LDLRAD4: variants seen among roughly 807,000 people sequenced by gnomAD.
LDLRAD4 encodes the protein low-density lipoprotein receptor class A domain-containing protein 4.
LDLRAD4 carries 5 observed loss-of-function variants against 17.0 expected under a neutral mutation model. That is an observed-to-expected ratio of 0.29 (90% confidence interval 0.15 to 0.62). The LOEUF (loss-of-function observed/expected upper bound fraction) is 0.62. LDLRAD4 is among the 20% of genes least tolerant of loss of function. LDLRAD4 has a pLI of 0.84. For synonymous variants in LDLRAD4, 168 were observed against 171.8 expected (o/e 0.98, Z 0.17); for missense variants, 340 against 424.7 (o/e 0.80, Z 1.75).
intron 1 of LDLRAD4, among the ~76,000 whole-genome samples, chr18:13,280,578 G>A (rs982839276): frequency 1.3e-5 from 2 of 152,182 alleles, no homozygotes; most frequent in African/African-American, 2.4e-5. Context: ...AGCGTGTGGG[G>A]GAGTGCTGCT....
At chr18:13,326,058 C>T (rs1049245441) in intron 1 of LDLRAD4, among the ~76,000 whole-genome samples, 2 of 152,108 alleles carry the variant, frequency 1.3e-5, no homozygotes, top group Admixed American at 6.5e-5. Flanking sequence ...TGAGCCACCA[C>T]GCCCGGCTGG....
chr18:13,479,666 A>G (rs1280648700), intron 3 of LDLRAD4, among the ~76,000 whole-genome samples: 1 of 152,170 alleles, frequency 6.6e-6, no homozygotes, highest in East Asian at 1.9e-4. Flanking sequence ...AGACTAGAGG[A>G]AAATATTTAC....
At chr18:13,562,510 T>C (rs1052941473) in intron 3 of LDLRAD4, among the ~76,000 whole-genome samples, 2 of 152,264 alleles carry the variant, frequency 1.3e-5, no homozygotes, top group Non-Finnish European at 2.9e-5. Context: ...ATTTGATACA[T>C]GTATATACAT....
chr18:13,613,669 G>A (rs755690169), intron 3 of LDLRAD4: 5 of 152,228 alleles, frequency 3.3e-5, no homozygotes, highest in African/African-American at 7.2e-5. Context: ...GTGGATGAAG[G>A]CTTGGGCTTT....
intron 1 of LDLRAD4, among the ~76,000 whole-genome samples, chr18:13,288,592 G>A (rs564076556): frequency 8.5e-4 from 129 of 152,132 alleles, no homozygotes; most frequent in African/African-American, 2.8e-3. Context: ...CACTCTGCAA[G>A]GTGAGTCATG....
chr18:13,396,721 G>A (rs113426023), intron 2 of LDLRAD4, among the ~76,000 whole-genome samples: 4,967 of 152,210 alleles, frequency 0.033, 275 homozygotes, highest in African/African-American at 0.11. Context: ...GGGCTCAAGC[G>A]ATCCTCCTGC....
intron 3 of LDLRAD4, among the ~76,000 whole-genome samples, chr18:13,574,915 G>T (rs555701097): frequency 6.6e-6 from 1 of 152,174 alleles, no homozygotes; most frequent in Admixed American, 6.5e-5. Flanking sequence ...GCCCCCATAC[G>T]TCTCCTCCTT....
At chr18:13,225,538 C>G (rs1009746306) in intron 1 of LDLRAD4, among the ~76,000 whole-genome samples, 3 of 152,230 alleles carry the variant, frequency 2.0e-5, no homozygotes, top group Non-Finnish European at 4.4e-5. Context: ...GGGCCCTGTC[C>G]ACTCTGTCAA....
chr18:13,236,284 G>A (rs1462486290), intron 1 of LDLRAD4: 3 of 142,922 alleles, frequency 2.1e-5, no homozygotes, highest in Non-Finnish European at 4.6e-5. Context: ...CCATCATTTT[G>A]CTTTGATCTA....
intron 3 of LDLRAD4, chr18:13,611,829 TAGGACC>T (rs1478933093): frequency 1.0e-6 from 1 of 985,334 alleles, no homozygotes; most frequent in Non-Finnish European, 1.2e-6. Context: ...CTGCTGCGGT[TAGGACC>T]TCACGCCTTG....
Position 13,300,113 on chromosome 18 carries a change from A to G in LDLRAD4, c.-383+21925A>G, listed in dbSNP as rs761108649. 1.3e-5 allele frequency among the ~76,000 whole-genome samples: 2 copies of G among 152,030 alleles called. No individual in the cohort carries two copies. The highest frequency in any genetic ancestry group is 6.5e-5 in the Admixed American group (1 of 15,278). On this transcript the variant is annotated intron_variant, in intron 1 of 5. Transcript: ENST00000359446. The surrounding 1 kb of genome is among the most constrained non-coding windows in gnomAD (Gnocchi z 4.2). ...CCCATGTGGCTCTGCCCCATGCTTC[A>G]CACATCTTGGTTCCTGCAAATTCCA...
At chr18:13,415,142 G>C (rs1257365064) in intron 2 of LDLRAD4, among the ~76,000 whole-genome samples, 2 of 152,222 alleles carry the variant, frequency 1.3e-5, no homozygotes, top group Non-Finnish European at 2.9e-5. Context: ...GGGGGCATCT[G>C]TTGCCTGGAG....
At chr18:13,554,009 C>A (rs914285262) in intron 3 of LDLRAD4, among the ~76,000 whole-genome samples, 4 of 152,150 alleles carry the variant, frequency 2.6e-5, no homozygotes, top group Admixed American at 1.3e-4. Context: ...TGTTTTATTT[C>A]TTCTAATTAT....
chr18:13,272,660 A>T (rs8093127), intron 1 of LDLRAD4, among the ~76,000 whole-genome samples: 68,728 of 152,146 alleles, frequency 0.45, 17,875 homozygotes, highest in Non-Finnish European at 0.58. Flanking sequence ...GTTAGGACAC[A>T]GGCGGTCATG....
intron 3 of LDLRAD4, among the ~76,000 whole-genome samples, chr18:13,601,619 A>C (rs182451509): frequency 9.6e-4 from 142 of 147,708 alleles, no homozygotes; most frequent in Non-Finnish European, 1.8e-3. Context: ...GCGCCACGGC[A>C]CTCCAGCCTG....
At chr18:13,532,172 G>A (rs184686549) in intron 3 of LDLRAD4, among the ~76,000 whole-genome samples, 701 of 152,288 alleles carry the variant, frequency 4.6e-3, no homozygotes, top group Non-Finnish European at 7.5e-3. Context: ...AAAGTCACCC[G>A]GAGGGATGCA....
At chr18:13,631,787 C>T (rs889518046) in intron 4 of LDLRAD4, among the ~76,000 whole-genome samples, 3 of 151,972 alleles carry the variant, frequency 2.0e-5, no homozygotes, top group African/African-American at 7.3e-5. Context: ...ATTAACCAGG[C>T]ATGGGGGCAC....
At chr18:13,491,713 G>A (rs891612897) in intron 3 of LDLRAD4, 3 of 152,096 alleles carry the variant, frequency 2.0e-5, no homozygotes, top group Non-Finnish European at 4.4e-5. Flanking sequence ...CAAGTGGCCC[G>A]GCAGGGACTT....
intron 3 of LDLRAD4, among the ~76,000 whole-genome samples, chr18:13,468,256 T>C (rs1372649280): frequency 6.6e-6 from 1 of 152,220 alleles, no homozygotes; most frequent in Non-Finnish European, 1.5e-5. Context: ...TGAAGGCTTA[T>C]TATTCAGAAT....
Sources: allele counts gnomAD v4.1 joint callset (sites outside exome capture counted in the v4.1 genomes callset), GRCh38; gene constraint gnomAD v4.1.1; non-coding constraint Gnocchi (gnomAD v3.1); transcripts MANE v1.5; gene names NCBI Gene and HGNC (gene_info 2026-07-23, HGNC 2026-07-21).